Variants in SLC9A2 observed in about 807,000 individuals in gnomAD.
SLC9A2 encodes the protein sodium/hydrogen exchanger 2.
SLC9A2 carries 42 observed loss-of-function variants against 71.7 expected under a neutral mutation model. That is an observed-to-expected ratio of 0.59 (90% CI 0.46 to 0.76). The LOEUF is 0.76. Ranked by LOEUF, SLC9A2 falls within the 30% of genes least tolerant of loss-of-function variation. SLC9A2 has a pLI of 0.00. For missense variants in SLC9A2, 829 were observed against 1,017.4 expected, an observed-to-expected ratio of 0.81 and a Z score of 2.52; for synonymous variants, 396 against 392.5, an observed-to-expected ratio of 1.01 and a Z score of -0.10.
intron 7 of SLC9A2, among the ~76,000 whole-genome samples, chr2:102,695,573 T>C (rs912430850): frequency 6.6e-6 from 1 of 151,712 alleles, no homozygotes; most frequent in South Asian, 2.1e-4. Flanking sequence ...ATGATTCTTC[T>C]GATCATTGGC....
intron 5 of SLC9A2, among the ~76,000 whole-genome samples, chr2:102,687,256 C>G (rs1305716632): frequency 2.0e-5 from 3 of 152,192 alleles, no homozygotes; most frequent in African/African-American, 7.2e-5. Context: ...TATTCTCCTA[C>G]CTACCACTGG....
At chr2:102,623,508 C>T (rs188670758) in intron 1 of SLC9A2, among the ~76,000 whole-genome samples, 21 of 152,256 alleles carry the variant, frequency 1.4e-4, no homozygotes, top group African/African-American at 4.8e-4. Context: ...TGGTTTTAAG[C>T]AGGACCGTCC....
intron 3 of SLC9A2, among the ~76,000 whole-genome samples, chr2:102,675,027 T>A (rs1677323063): frequency 6.6e-6 from 1 of 152,212 alleles, no homozygotes; most frequent in South Asian, 2.1e-4. Context: ...TGGAGAACTG[T>A]CATGGGATCA....
intron 2 of SLC9A2, 128 bp downstream of exon 2, chr2:102,658,155 G>T: frequency 1.5e-6 from 1 of 646,672 alleles, no homozygotes; most frequent in South Asian, 2.0e-5. Context: ...CAATTGCCCA[G>T]GGCCCTTCAC....
chr2:102,694,263 A>T (rs1677711520), intron 5 of SLC9A2, 151 bp from the exon 6 acceptor site: 2 of 248,236 alleles, frequency 8.1e-6, no homozygotes, highest in Non-Finnish European at 1.6e-5. Context: ...GTAGCCAAAT[A>T]TCTTTTGTCA....
At chr2:102,681,656 C>T (rs1677454901) in intron 3 of SLC9A2, among the ~76,000 whole-genome samples, 1 of 152,184 alleles carries the variant, frequency 6.6e-6, no homozygotes, top group East Asian at 1.9e-4. Flanking sequence ...TTTATTAGCA[C>T]ATTTAATAAG....
chr2:102,686,049 C>T (rs918761624), intron 5 of SLC9A2, among the ~76,000 whole-genome samples: 57 of 152,162 alleles, frequency 3.7e-4, no homozygotes, highest in African/African-American at 1.3e-3. Flanking sequence ...GGAGGAAGAT[C>T]AGGAGATGTG....
At chr2:102,644,287 G>A (rs1261384791) in intron 1 of SLC9A2, among the ~76,000 whole-genome samples, 1 of 152,118 alleles carries the variant, frequency 6.6e-6, no homozygotes, top group African/African-American at 2.4e-5. Flanking sequence ...TTCTGGCCCA[G>A]ATACTACACT....
chr2:102,666,869 A>G (rs934068864), intron 3 of SLC9A2, among the ~76,000 whole-genome samples: 4 of 152,206 alleles, frequency 2.6e-5, no homozygotes, highest in Non-Finnish European at 5.9e-5. Flanking sequence ...GCTAAATGCT[A>G]GGACCTGCCA....
chr2:102,641,443 G>A (rs901146342), intron 1 of SLC9A2, among the ~76,000 whole-genome samples: 3 of 151,494 alleles, frequency 2.0e-5, no homozygotes. Flanking sequence ...GGCCACCTTT[G>A]TCCCCACTCT....
At chr2:102,623,538 C>T (rs371601591) in intron 1 of SLC9A2, among the ~76,000 whole-genome samples, 3 of 152,222 alleles carry the variant, frequency 2.0e-5, no homozygotes, top group East Asian at 1.9e-4. Context: ...GGGACACTTT[C>T]GTACCCCATT....
At position 102,661,258 on chromosome 2, in the gene SLC9A2, C is replaced by T. The variant is rs527308070; in HGVS notation, c.753+3231C>T. Among the ~76,000 whole-genome samples, 51 of 152,174 alleles carry T rather than the reference C, an allele frequency of 3.4e-4. No homozygotes were observed. In the East Asian group the frequency reaches 7.1e-3, roughly 21 times the overall value. ...CCACTGAATATTCTAATAAATTTTC[C>T]GAGAAGACTTAAAGAGTTTCCTCCA... On this transcript the variant is annotated intron_variant, in intron 2 of 11. Transcript: ENST00000233969.
rs182924755 is a variant in SLC9A2, at chr2:102,666,289, G to A, written c.1004+939G>A. Among the ~76,000 whole-genome samples the A allele has an allele frequency of 2.8e-3, 386 of 138,608 alleles. 7 individuals are homozygous for A. Among genetic ancestry groups the A allele is most frequent in the African/African-American group, 9.6e-3 (363 of 37,898 alleles). 90.9% of individuals were successfully genotyped at this position (138,608 alleles called of 152,430 possible). ...CGGCTCACTGCAAGCTCCGCCTCCC[G>A]GGTTCACACCATTCTCCTGCCTCAG... is the stretch of plus-strand genomic sequence containing the variant. On this transcript the variant is annotated intron_variant, in intron 3 of 11. Coordinates refer to ENST00000233969, the MANE Select transcript of SLC9A2 (RefSeq NM_003048.6).
chr2:102,633,291 T>G (rs1453004635), intron 1 of SLC9A2, among the ~76,000 whole-genome samples: 2 of 152,092 alleles, frequency 1.3e-5, no homozygotes, highest in Non-Finnish European at 2.9e-5. Flanking sequence ...GTGGCAGAGG[T>G]GGGGCCACAG....
chr2:102,708,335 TA>T lies in SLC9A2; in HGVS notation c.2286del (p.Leu762PhefsTer20). 1 of 1,614,152 alleles carries T rather than the reference TA, an allele frequency of 6.2e-7. No homozygotes were observed. The highest frequency in any genetic ancestry group is 8.5e-7 in the Non-Finnish European group (1 of 1,180,030). ...GAAAAGGGCACCCAGACGTCAGGCTTACTACAGCAGCCCCTTCTCTCTAAAG... is the reference window on the plus strand; with the variant it reads ...GAAAAGGGCACCCAGACGTCAGGCTTCTACAGCAGCCCCTTCTCTCTAAAG... ...SREKGTQTSG[L>X]LQQPLLSKDQ... On this transcript the variant is annotated frameshift_variant, in exon 12 of 12. Coordinates refer to ENST00000233969, the MANE Select transcript of SLC9A2 (RefSeq NM_003048.6). LOFTEE classifies it low-confidence loss of function (END_TRUNC).
At position 102,632,110 on chromosome 2, in the gene SLC9A2, ATG is replaced by A. The variant is rs1558701442; in HGVS notation, c.289+11975_289+11976del. 2.7e-4 allele frequency among the ~76,000 whole-genome samples: 31 copies of A among 116,744 alleles called. No homozygotes were observed. The East Asian group carries it at 3.2e-3, about 12-fold the overall frequency. The allele number at this position is 116,744 out of a possible 152,430, so 76.6% of individuals were successfully genotyped here. ...TATATACACATATATATACATATAT[ATG>A]TATATATACATATATACATATATAT... is the stretch of plus-strand genomic sequence containing the variant. On this transcript the variant is annotated intron_variant, in intron 1 of 11. Coordinates refer to ENST00000233969, the MANE Select transcript of SLC9A2 (RefSeq NM_003048.6).
chr2:102,622,450 T>C (rs1343095319), intron 1 of SLC9A2, among the ~76,000 whole-genome samples: 1 of 152,236 alleles, frequency 6.6e-6, no homozygotes, highest in African/African-American at 2.4e-5. Flanking sequence ...CTGATTGTTT[T>C]AATCAGATTA....
chr2:102,644,919 C>G (rs1005218806), intron 1 of SLC9A2, among the ~76,000 whole-genome samples: 3 of 152,216 alleles, frequency 2.0e-5, no homozygotes, highest in African/African-American at 4.8e-5. Context: ...AAGAGAGCAG[C>G]AGATCTCCCA....
intron 3 of SLC9A2, among the ~76,000 whole-genome samples, chr2:102,681,148 C>G (rs1299217340): frequency 6.6e-6 from 1 of 152,176 alleles, no homozygotes; most frequent in African/African-American, 2.4e-5. Context: ...AAAGGATAAG[C>G]CACAGCTTGG....
Sources: allele counts gnomAD v4.1 joint callset (sites outside exome capture counted in the v4.1 genomes callset), GRCh38; gene constraint gnomAD v4.1.1; transcripts MANE v1.5; gene names NCBI Gene and HGNC (gene_info 2026-07-23, HGNC 2026-07-21).